Variants in POR observed in about 807,000 individuals in gnomAD.
The protein encoded by POR is cytochrome p450 oxidoreductase.
In POR, 56 loss-of-function variants were observed where a neutral mutation model predicts 84.0. That is an observed-to-expected ratio of 0.67 (90% confidence interval 0.54 to 0.83). The LOEUF (loss-of-function observed/expected upper bound fraction) is 0.83. Ranked by LOEUF, POR falls within the 40% of genes least tolerant of loss-of-function variation. The probability of loss-of-function intolerance (pLI) is 0.00; values close to 1 mark genes in which losing one functional copy is unlikely to be tolerated. For missense variants in POR, 938 were observed against 944.3 expected, an observed-to-expected ratio of 0.99 and a Z score of 0.09; for synonymous variants, 414 against 400.5, an observed-to-expected ratio of 1.03 and a Z score of -0.40.
At chr7:75,980,876 C>A (rs1585128813) in intron 5 of POR, 172 bp from the exon 6 acceptor site, 3 of 1,069,770 alleles carry the variant, frequency 2.8e-6, no homozygotes, top group Admixed American at 2.9e-5. Context: ...CCAGATGAAG[C>A]CTCTTCAGTG....
At chr7:75,944,197 T>G (rs1483456323) in intron 1 of POR, among the ~76,000 whole-genome samples, 1 of 152,024 alleles carries the variant, frequency 6.6e-6, no homozygotes, top group African/African-American at 2.4e-5. Flanking sequence ...ACTGATACCT[T>G]CCTTCCCTAT....
intron 2 of POR, among the ~76,000 whole-genome samples, chr7:75,963,228 C>T (rs1788023783): frequency 6.6e-6 from 1 of 152,182 alleles, no homozygotes; most frequent in Non-Finnish European, 1.5e-5. Flanking sequence ...AAGAGAAATA[C>T]AAATGAGACT....
chr7:75,940,963 C>T (rs2116336635), intron 1 of POR, among the ~76,000 whole-genome samples: 1 of 152,204 alleles, frequency 6.6e-6, no homozygotes, highest in Non-Finnish European at 1.5e-5. Flanking sequence ...GAGTTTGAGA[C>T]CAGCCTGGGC....
intron 1 of POR, among the ~76,000 whole-genome samples, chr7:75,922,116 G>A (rs1413074633): frequency 6.6e-6 from 1 of 152,126 alleles, no homozygotes; most frequent in East Asian, 1.9e-4. Context: ...AATACGGTTG[G>A]ACTAGAAGGT....
intron 1 of POR, among the ~76,000 whole-genome samples, chr7:75,927,965 TTTC>T (rs1212117778): frequency 6.8e-6 from 1 of 146,008 alleles, no homozygotes; most frequent in Non-Finnish European, 1.5e-5. Flanking sequence ...CTATCTCAGG[TTTC>T]TTTTTTTTTT....
In POR at chr7:75,919,732, A is replaced by G. The variant is rs538802897; in HGVS notation, c.-5+4553A>G. ...CTGACGCTGGTCGGTGTGGCAACTC[A>G]GTTGATGCTTGGACGTGTTGTGAAC... On this transcript the variant is annotated intron_variant, in intron 1 of 15. Coordinates refer to ENST00000461988, the MANE Select transcript of POR (RefSeq NM_000941.3). Among the ~76,000 whole-genome samples, 8 of 152,100 alleles carry G rather than the reference A, an allele frequency of 5.3e-5. No individual in the cohort carries two copies. The South Asian group carries it at 1.0e-3, about 20-fold the overall frequency.
chr7:75,922,946 A>G (rs1342666648), intron 1 of POR: 3 of 676,526 alleles, frequency 4.4e-6, no homozygotes, highest in Non-Finnish European at 7.9e-6. Context: ...CAGAAACATG[A>G]CAAGGTGTGT....
At chr7:75,934,246 A>G (rs572846588) in intron 1 of POR, among the ~76,000 whole-genome samples, 1 of 149,580 alleles carries the variant, frequency 6.7e-6, no homozygotes, top group Admixed American at 6.8e-5. Context: ...GTCTTTGTCA[A>G]CGTCTCACAG....
chr7:75,935,220 C>G (rs1554550644), intron 1 of POR, among the ~76,000 whole-genome samples: 2 of 151,968 alleles, frequency 1.3e-5, no homozygotes, highest in African/African-American at 4.8e-5. Flanking sequence ...TATTTGGGAG[C>G]TTTAAGATTT....
At chr7:75,958,095 C>G (rs1440347709) in intron 2 of POR, among the ~76,000 whole-genome samples, 1 of 152,104 alleles carries the variant, frequency 6.6e-6, no homozygotes, top group African/African-American at 2.4e-5. Flanking sequence ...ATAGTAGGCT[C>G]TCAGGTGTTA....
chr7:75,979,700 CG>C, intron 4 of POR, 121 bp downstream of exon 4: 2 of 1,386,384 alleles, frequency 1.4e-6, no homozygotes, highest in East Asian at 2.4e-5. Context: ...AAGACGTCCT[CG>C]GAAGTTGCCT....
intron 15 of POR, 29 bp from the exon 16 acceptor site, chr7:75,986,308 A>G (rs782115252): frequency 3.7e-5 from 60 of 1,612,598 alleles, no homozygotes; most frequent in Admixed American, 2.8e-4. Flanking sequence ...CAGTTGGCCC[A>G]GCCCCCAGCA....
intron 2 of POR, among the ~76,000 whole-genome samples, chr7:75,960,705 G>A (rs1787899480): frequency 6.6e-6 from 1 of 152,110 alleles, no homozygotes; most frequent in East Asian, 1.9e-4. Flanking sequence ...CCCTCTTGGT[G>A]ATGGAATTTG....
intron 10 of POR, 129 bp downstream of exon 10, chr7:75,983,985 TC>T: frequency 1.4e-6 from 1 of 721,348 alleles, no homozygotes; most frequent in Non-Finnish European, 2.2e-6. Flanking sequence ...GCACCGAGAC[TC>T]CACGGTTACA....
intron 1 of POR, among the ~76,000 whole-genome samples, chr7:75,952,308 C>T (rs1383574389): frequency 7.0e-6 from 1 of 142,020 alleles, no homozygotes; most frequent in Non-Finnish European, 1.5e-5. Flanking sequence ...ACCTCCCTCC[C>T]GGATGGGGCG....
intron 1 of POR, among the ~76,000 whole-genome samples, chr7:75,931,755 C>T (rs1807433760): frequency 6.6e-6 from 1 of 152,104 alleles, no homozygotes; most frequent in Admixed American, 6.6e-5. Context: ...CCTTTTGAGT[C>T]CTTTCCATCA....
chr7:75,925,394 G>A (rs1469823198), intron 1 of POR, among the ~76,000 whole-genome samples: 1 of 152,092 alleles, frequency 6.6e-6, no homozygotes, highest in Admixed American at 6.6e-5. Context: ...GCATGGTGGT[G>A]TGCACCTGTA....
chr7:75,944,764 A>G (rs1334625970), intron 1 of POR, among the ~76,000 whole-genome samples: 8 of 152,194 alleles, frequency 5.3e-5, no homozygotes, highest in African/African-American at 1.9e-4. Flanking sequence ...AGGAAACTGA[A>G]TGGATGACTC....
At chr7:75,928,327 C>T (rs1554549793) in intron 1 of POR, among the ~76,000 whole-genome samples, 2 of 152,200 alleles carry the variant, frequency 1.3e-5, no homozygotes, top group Non-Finnish European at 2.9e-5. Flanking sequence ...CAACTAGACT[C>T]CCACCAGTTG....
Sources: gnomAD v4.1 joint callset for allele counts (sites outside exome capture counted in the v4.1 genomes callset) on GRCh38, gnomAD v4.1.1 for gene constraint, MANE v1.5 for transcripts, NCBI Gene and HGNC (gene_info 2026-07-23, HGNC 2026-07-21) for gene names.